Variants in FRMPD4 observed in about 807,000 individuals in gnomAD.
FRMPD4 encodes FERM and PDZ domain-containing protein 4.
In FRMPD4, 22 loss-of-function variants were observed where a neutral mutation model predicts 94.1. The observed-to-expected ratio is 0.23, with a 90% CI of 0.17 to 0.33. FRMPD4 has a LOEUF of 0.33. Ranked by LOEUF, FRMPD4 falls within the 10% of genes least tolerant of loss-of-function variation. FRMPD4 has a pLI of 1.00. For synonymous variants in FRMPD4, 631 were observed against 548.6 expected, an observed-to-expected ratio of 1.15 and a Z score of -2.10; for missense variants, 1,111 against 1,339.9, an observed-to-expected ratio of 0.83 and a Z score of 2.67.
rs148619232 is a variant in FRMPD4 at position 12,665,149 on chromosome X, G to GA, written c.423-9705dup. Among the ~76,000 whole-genome samples, 998 of 108,265 alleles carry GA rather than the reference G, an allele frequency of 9.2e-3. 7 individuals carry two copies. The highest frequency in any genetic ancestry group is 0.015 in the Non-Finnish European group (783 of 51,845). 94.0% of individuals were successfully genotyped at this position (108,265 alleles called of 115,157 possible). A position where few individuals can be genotyped will look rare whatever the true frequency, so the allele number is the denominator to read the frequency against. On this transcript the variant is annotated intron_variant, in intron 4 of 16. Coordinates refer to ENST00000675598, the MANE Select transcript of FRMPD4 (RefSeq NM_001368397.1). ...GTCTATTTTGTTAATCTTTAAAAAAGAAAAAAAAACGTGCTGGGTGCAGTG... is the reference window on the plus strand; with the variant it reads ...GTCTATTTTGTTAATCTTTAAAAAAGAAAAAAAAAACGTGCTGGGTGCAGTG...
chrX:12,483,181 T>C (rs984885330), intron 1 of FRMPD4, among the ~76,000 whole-genome samples: 3 of 111,667 alleles, frequency 2.7e-5, no homozygotes, highest in Non-Finnish European at 5.6e-5. Context: ...TGAACATGAG[T>C]TCAGTTTTGG....
intron 1 of FRMPD4, among the ~76,000 whole-genome samples, chrX:12,222,319 T>C (rs1569196782): frequency 8.9e-6 from 1 of 112,603 alleles, no homozygotes; most frequent in Admixed American, 9.4e-5. Context: ...TATTAAAAAC[T>C]AAATAATAAT....
At chrX:12,679,705 G>T (rs1023220951) in intron 5 of FRMPD4, among the ~76,000 whole-genome samples, 1 of 111,855 alleles carries the variant, frequency 8.9e-6, no homozygotes, top group Admixed American at 9.4e-5. Context: ...GAAACTGGTG[G>T]ATAAATACCC....
intron 1 of FRMPD4, among the ~76,000 whole-genome samples, chrX:12,482,669 A>G (rs1300147285): frequency 2.7e-5 from 3 of 112,737 alleles, no homozygotes; most frequent in Non-Finnish European, 3.7e-5. Flanking sequence ...TCTGGTAGCC[A>G]TATTTTAAAA....
intron 3 of FRMPD4, among the ~76,000 whole-genome samples, chrX:11,909,366 C>T (rs940649237): frequency 8.9e-6 from 1 of 111,810 alleles, no homozygotes; most frequent in Admixed American, 9.5e-5. Flanking sequence ...CCCTTAATAT[C>T]GTTTAATGTT....
intron 2 of FRMPD4, among the ~76,000 whole-genome samples, chrX:12,599,316 A>G (rs1041617410): frequency 6.1e-4 from 68 of 111,460 alleles, no homozygotes; most frequent in Non-Finnish European, 1.0e-3. Flanking sequence ...TAAAAAAAAA[A>G]CATATGAGTA....
chrX:12,441,780 A>G, intron 1 of FRMPD4, among the ~76,000 whole-genome samples: 1 of 112,446 alleles, frequency 8.9e-6, no homozygotes, highest in East Asian at 2.8e-4. Context: ...TGTCACAATG[A>G]TAATGACATG....
At chrX:12,134,483 G>A (rs1283526886), upstream of FRMPD4, among the ~76,000 whole-genome samples, 1 of 112,099 alleles carries the variant, frequency 8.9e-6, no homozygotes, top group East Asian at 2.8e-4. Context: ...GAGACCAGAT[G>A]GTCGAGATGC....
chrX:12,570,192 G>A (rs1306344557), intron 2 of FRMPD4, among the ~76,000 whole-genome samples: 2 of 112,342 alleles, frequency 1.8e-5, no homozygotes, highest in Admixed American at 1.9e-4. Context: ...GGCATCTCCT[G>A]TAATTCCTTT....
intron 3 of FRMPD4, among the ~76,000 whole-genome samples, chrX:12,065,488 A>C (rs2054913341): frequency 8.9e-6 from 1 of 112,005 alleles, no homozygotes; most frequent in Non-Finnish European, 1.9e-5. Flanking sequence ...CTGGCTGACT[A>C]GATGGATCAG....
intron 1 of FRMPD4, among the ~76,000 whole-genome samples, chrX:12,463,858 C>T (rs2057422207): frequency 9.2e-6 from 1 of 109,149 alleles, no homozygotes; most frequent in South Asian, 4.0e-4. Context: ...CTCAACCCCC[C>T]TAGAGAATTT....
rs202067400 is a variant in FRMPD4, at chrX:12,710,490, C to T, written c.1562C>T (p.Ser521Leu). Residue 521 changes from serine (S) to leucine (L), a missense_variant, in exon 14 of 17, where the codon TCG becomes TTG. This residue lies in a region of FRMPD4 where 111 missense variants were observed against 160.7 expected (regional missense o/e 0.69). Transcript: ENST00000675598. ...CGGCTGCTTGTTGATTCCAGGAGGTCGATATTTAACATGGCCAACAAGAAA... is the reference window on the plus strand; with the variant it reads ...CGGCTGCTTGTTGATTCCAGGAGGTTGATATTTAACATGGCCAACAAGAAA... ...YYRLLVDSRR[S>L]IFNMANKKNT... 56 of 1,202,727 alleles carry T rather than the reference C, an allele frequency of 4.7e-5. No homozygotes were observed. The highest frequency in any genetic ancestry group is 5.8e-5 in the Non-Finnish European group (52 of 889,396).
chrX:12,299,130 A>G (rs6640963), intron 1 of FRMPD4, among the ~76,000 whole-genome samples: 2 of 112,148 alleles, frequency 1.8e-5, no homozygotes, highest in East Asian at 5.6e-4. Context: ...CACACAGAGC[A>G]CATGCATTCA....
At chrX:12,207,367 T>C (rs932691227) in intron 1 of FRMPD4, among the ~76,000 whole-genome samples, 1 of 111,711 alleles carries the variant, frequency 9.0e-6, no homozygotes, top group African/African-American at 3.3e-5. Flanking sequence ...GAGAACTCTT[T>C]TAATTTTTTA....
intron 8 of FRMPD4, 31 bp downstream of exon 8, chrX:12,690,357 G>A: frequency 8.4e-7 from 1 of 1,187,278 alleles, no homozygotes. Flanking sequence ...AAGTGATGAG[G>A]CTGCAGGTTA....
intron 1 of FRMPD4, among the ~76,000 whole-genome samples, chrX:12,150,528 T>C (rs1027658101): frequency 8.9e-6 from 1 of 112,034 alleles, no homozygotes; most frequent in Non-Finnish European, 1.9e-5. Flanking sequence ...AGGAGAGAAT[T>C]GTAGATAATA....
chrX:12,428,133 G>A (rs766960442), intron 1 of FRMPD4, among the ~76,000 whole-genome samples: 2 of 108,730 alleles, frequency 1.8e-5, no homozygotes, highest in African/African-American at 3.4e-5. Context: ...GGATGGTCTC[G>A]ATCTCCTGAC....
intron 1 of FRMPD4, among the ~76,000 whole-genome samples, chrX:12,157,632 G>T (rs770385381): frequency 5.7e-4 from 64 of 112,249 alleles, no homozygotes; most frequent in Non-Finnish European, 9.4e-5. Context: ...AGCGTTTGGG[G>T]TTCTGGATCC....
Position 12,595,949 on chromosome X carries a change from A to G in FRMPD4, c.159-13772A>G, listed in dbSNP as rs181394112. ...TTGACAGTGGTCTTGATTTATGCCA[A>G]TGTAATGGGAAATGTTAATTCAAGT... On this transcript the variant is annotated intron_variant, in intron 2 of 16. Coordinates refer to ENST00000675598, the MANE Select transcript of FRMPD4 (RefSeq NM_001368397.1). Among the ~76,000 whole-genome samples, 42 of 112,587 alleles carry G rather than the reference A, an allele frequency of 3.7e-4. No individual in the cohort carries two copies. In the Admixed American group the frequency reaches 3.8e-3, roughly 10 times the overall value.
Sources: gnomAD v4.1 joint callset for allele counts (sites outside exome capture counted in the v4.1 genomes callset) on GRCh38, gnomAD v4.1.1 for gene constraint, gnomAD v4.1.1 regional missense constraint, MANE v1.5 for transcripts, NCBI Gene and HGNC (gene_info 2026-07-23, HGNC 2026-07-21) for gene names.